HPCAL1: variants seen among roughly 807,000 people sequenced by gnomAD.
HPCAL1 encodes hippocalcin like 1, also known as hippocalcin-like protein 1.
HPCAL1 carries 8 observed loss-of-function variants against 17.1 expected under a neutral mutation model. The observed-to-expected ratio is 0.47, with a 90% CI of 0.27 to 0.84. HPCAL1 has a LOEUF of 0.84. HPCAL1 is among the 40% of genes least tolerant of loss of function. HPCAL1 has a pLI of 0.13. For missense variants in HPCAL1, 165 were observed against 271.1 expected, an observed-to-expected ratio of 0.61 and a Z score of 2.75; for synonymous variants, 112 against 111.4, an observed-to-expected ratio of 1.01 and a Z score of -0.03.
chr2:10,405,109 A>G (rs892728693), intron 2 of HPCAL1, among the ~76,000 whole-genome samples: 7 of 152,288 alleles, frequency 4.6e-5, no homozygotes, highest in Non-Finnish European at 1.0e-4. Context: ...AGGGACCCTT[A>G]TTCCCATTTT....
chr2:10,306,949 C>T (rs1000300396), intron 1 of HPCAL1, among the ~76,000 whole-genome samples: 4 of 152,220 alleles, frequency 2.6e-5, no homozygotes, highest in Non-Finnish European at 4.4e-5. Context: ...GGAAAGATGA[C>T]TTCTTGGGGC....
rs545857882 is a variant in HPCAL1 at position 10,365,962 on chromosome 2, C to T, written c.-110-30873C>T. 2.6e-5 allele frequency among the ~76,000 whole-genome samples: 4 copies of T among 152,318 alleles called. No individual in the cohort carries two copies. The South Asian group carries it at 6.2e-4, about 24-fold the overall frequency. On this transcript the variant is annotated intron_variant, in intron 1 of 4. Transcript: ENST00000307845. This position sits in a 1 kb window ranked among gnomAD's most constrained non-coding sequence, Gnocchi z 4.8. ...GATGCACGCCTCATGAGGAGACGCT[C>T]ACTCCCCCAGACACACTGAGTACTC...
At position 10,325,209 on chromosome 2, in the gene HPCAL1, C is replaced by T. The variant is rs570811024; in HGVS notation, c.-111+22032C>T. ...GGCCCAGGCTGGAGCACACTGGTGC[C>T]GTCGGAGCACACTGGTGCCGTCATA... is the stretch of plus-strand genomic sequence containing the variant. On this transcript the variant is annotated intron_variant, in intron 1 of 4. Coordinates refer to ENST00000307845, the MANE Select transcript of HPCAL1 (RefSeq NM_002149.4). Among the ~76,000 whole-genome samples, 154 of 151,890 alleles carry T rather than the reference C, an allele frequency of 1.0e-3. 1 individual carries two copies. The highest frequency in any genetic ancestry group is 3.5e-3 in the African/African-American group (145 of 41,336).
At chr2:10,326,228 G>C (rs762076073) in intron 1 of HPCAL1, among the ~76,000 whole-genome samples, 11 of 152,340 alleles carry the variant, frequency 7.2e-5, no homozygotes, top group Non-Finnish European at 1.5e-4. Context: ...GTTCTCTTAG[G>C]GTTTCTTCTC....
intron 2 of HPCAL1, among the ~76,000 whole-genome samples, chr2:10,417,986 G>A (rs2148023685): frequency 6.6e-6 from 1 of 152,198 alleles, no homozygotes; most frequent in African/African-American, 2.4e-5. Context: ...AGGCTTCAGT[G>A]AGTCATGATC....
At chr2:10,350,192 C>T (rs1048879970) in intron 1 of HPCAL1, among the ~76,000 whole-genome samples, 2 of 152,094 alleles carry the variant, frequency 1.3e-5, no homozygotes, top group South Asian at 2.1e-4. Context: ...TCAGAGTGCA[C>T]CTGCCCGAAG....
chr2:10,375,603 A>T (rs1380874225), intron 1 of HPCAL1, among the ~76,000 whole-genome samples: 2 of 152,214 alleles, frequency 1.3e-5, no homozygotes, highest in Admixed American at 1.3e-4. Flanking sequence ...GTCAGAATTG[A>T]CATCAATTTG....
chr2:10,421,846 C>T (rs1020479366), intron 3 of HPCAL1, among the ~76,000 whole-genome samples: 3 of 152,154 alleles, frequency 2.0e-5, no homozygotes, highest in African/African-American at 7.2e-5. Flanking sequence ...CAGGAATGAG[C>T]GACCCATTTC....
At chr2:10,374,351 A>T (rs1667415528) in intron 1 of HPCAL1, among the ~76,000 whole-genome samples, 1 of 152,028 alleles carries the variant, frequency 6.6e-6, no homozygotes, top group Non-Finnish European at 1.5e-5. Flanking sequence ...ACACAGTCAC[A>T]CACAGTGGTG....
chr2:10,376,249 T>C (rs77449089), intron 1 of HPCAL1, among the ~76,000 whole-genome samples: 5,482 of 152,300 alleles, frequency 0.036, 133 homozygotes, highest in South Asian at 0.13. Context: ...TACTCCTTTG[T>C]AATAATGCAA....
At chr2:10,306,706 A>G (rs189674228) in intron 1 of HPCAL1, among the ~76,000 whole-genome samples, 30 of 152,328 alleles carry the variant, frequency 2.0e-4, no homozygotes, top group African/African-American at 7.2e-4. Flanking sequence ...ATACGGTTTG[A>G]CAGGTGGAAC....
chr2:10,416,945 A>C (rs879105496), intron 2 of HPCAL1, among the ~76,000 whole-genome samples: 1 of 152,108 alleles, frequency 6.6e-6, no homozygotes, highest in Non-Finnish European at 1.5e-5. Flanking sequence ...TCCTCCATGA[A>C]ACAGGGGCCA....
chr2:10,376,013 G>C (rs568557363), intron 1 of HPCAL1, among the ~76,000 whole-genome samples: 1 of 152,186 alleles, frequency 6.6e-6, no homozygotes, highest in South Asian at 2.1e-4. Context: ...TGAATGGCTT[G>C]GGCCATCCCC....
intron 1 of HPCAL1, among the ~76,000 whole-genome samples, chr2:10,316,574 A>G (rs1338746839): frequency 6.6e-6 from 1 of 152,162 alleles, no homozygotes; most frequent in Non-Finnish European, 1.5e-5. Flanking sequence ...ATCGTTTTTC[A>G]GAGGTTTAAT....
chr2:10,420,046 C>T lies in HPCAL1; in HGVS notation c.289C>T (p.Leu97=), dbSNP rs915822500. Residue 97 remains leucine, a synonymous_variant, in exon 3 of 5, where the codon CTG becomes TTG. Coordinates refer to ENST00000307845, the MANE Select transcript of HPCAL1 (RefSeq NM_002149.4). The part of the protein sequence containing the change: ...IALSVTSRGK[L]EQKLKWAFSM... ...GCTGAGCGTGACCTCGCGGGGCAAG[C>T]TGGAGCAGAAGCTCAAGTGGGCCTT... The T allele has an allele frequency of 2.5e-6, 4 of 1,613,802 alleles. No individual in the cohort carries two copies. Among genetic ancestry groups the T allele is most frequent in the Non-Finnish European group, 2.5e-6 (3 of 1,180,046 alleles).
chr2:10,407,493 C>T (rs1193977458), intron 2 of HPCAL1, among the ~76,000 whole-genome samples: 3 of 152,228 alleles, frequency 2.0e-5, no homozygotes, highest in Non-Finnish European at 4.4e-5. Flanking sequence ...AATTGTGTGC[C>T]AGGCCCTGTT....
In HPCAL1 at chr2:10,386,693, G is replaced by T. The variant is rs566769181; in HGVS notation, c.-110-10142G>T. Among the ~76,000 whole-genome samples the T allele has an allele frequency of 7.9e-5, 12 of 152,314 alleles. No individual in the cohort carries two copies. In the South Asian group the frequency reaches 2.5e-3, roughly 32 times the overall value. ...TCTGCAGGCTGGGGGAGCTGCAGGAGGTTGTCATCAGTGGCAGGGGCCTTG... is the reference window on the plus strand; with the variant it reads ...TCTGCAGGCTGGGGGAGCTGCAGGATGTTGTCATCAGTGGCAGGGGCCTTG... On this transcript the variant is annotated intron_variant, in intron 1 of 4. Transcript: ENST00000307845.
At chr2:10,320,396 G>C (rs183404628) in intron 1 of HPCAL1, among the ~76,000 whole-genome samples, 90 of 152,222 alleles carry the variant, frequency 5.9e-4, no homozygotes, top group Non-Finnish European at 1.1e-3. Context: ...GAGTTCTCAC[G>C]AGATCTGGTT....
At chr2:10,399,442 TCAC>T (rs1669386307) in intron 2 of HPCAL1, among the ~76,000 whole-genome samples, 3 of 20,158 alleles carry the variant, frequency 1.5e-4, no homozygotes, top group Admixed American at 5.8e-4. Context: ...ACCACCACCA[TCAC>T]CATCACCACC....
Sources: gnomAD v4.1 joint callset for allele counts (sites outside exome capture counted in the v4.1 genomes callset) on GRCh38, gnomAD v4.1.1 for gene constraint, Gnocchi (gnomAD v3.1) non-coding constraint, MANE v1.5 for transcripts, NCBI Gene and HGNC (gene_info 2026-07-23, HGNC 2026-07-21) for gene names.